PDE4D: variants seen among roughly 807,000 people sequenced by gnomAD.
The protein encoded by PDE4D is 3',5'-cyclic-AMP phosphodiesterase 4D.
In PDE4D, 24 loss-of-function variants were observed where a neutral mutation model predicts 87.4. The ratio of observed to expected loss-of-function variants is 0.27; its 90% CI spans 0.20 to 0.39. The LOEUF is 0.39. Ranked by LOEUF, PDE4D falls within the 10% of genes least tolerant of loss-of-function variation. The pLI, the probability that PDE4D is intolerant of heterozygous loss-of-function variation, is 1.00. For missense variants in PDE4D, 714 were observed against 1,041.0 expected, an observed-to-expected ratio of 0.69 and a Z score of 4.32; for synonymous variants, 384 against 383.2, an observed-to-expected ratio of 1.00 and a Z score of -0.02.
chr5:58,978,031 C>T (rs1310452247), intron 11 of PDE4D, among the ~76,000 whole-genome samples: 2 of 152,128 alleles, frequency 1.3e-5, no homozygotes, highest in Non-Finnish European at 2.9e-5. Flanking sequence ...TCCCTACTGC[C>T]CTAGACCTGT....
intron 5 of PDE4D, among the ~76,000 whole-genome samples, chr5:59,080,939 A>C (rs1766622521): frequency 6.6e-6 from 1 of 152,194 alleles, no homozygotes; most frequent in Admixed American, 6.5e-5. Flanking sequence ...ATTATCAGCC[A>C]TTGTGGAGGA....
intron 1 of PDE4D, among the ~76,000 whole-genome samples, chr5:59,221,011 C>T (rs561918428): frequency 1.5e-4 from 23 of 152,140 alleles, no homozygotes; most frequent in African/African-American, 3.6e-4. Flanking sequence ...ATGTTCCAGG[C>T]GCTGTGCTTT....
chr5:60,514,987 C>T (rs777709386), intron 1 of PDE4D, among the ~76,000 whole-genome samples: 2 of 152,048 alleles, frequency 1.3e-5, no homozygotes, highest in Non-Finnish European at 2.9e-5. Flanking sequence ...AGCAAGTTTG[C>T]TGGATAGAAA....
At chr5:59,104,601 A>G (rs1489673802) in intron 5 of PDE4D, among the ~76,000 whole-genome samples, 5 of 152,198 alleles carry the variant, frequency 3.3e-5, no homozygotes, top group Non-Finnish European at 5.9e-5. Flanking sequence ...AAGAAAGCTG[A>G]TAAGAATCAA....
At chr5:60,018,753 A>C (rs748043342) in intron 2 of PDE4D, among the ~76,000 whole-genome samples, 5 of 152,340 alleles carry the variant, frequency 3.3e-5, no homozygotes, top group Non-Finnish European at 7.4e-5. Context: ...AGGACATTAC[A>C]TAATGGTAAA....
At chr5:59,030,071 C>T (rs543134481) in intron 6 of PDE4D, among the ~76,000 whole-genome samples, 2 of 152,198 alleles carry the variant, frequency 1.3e-5, no homozygotes, top group South Asian at 4.1e-4. Context: ...AGACCTGAAA[C>T]TGTAAAGCTA....
chr5:59,976,153 T>G (rs1253597920), intron 3 of PDE4D, among the ~76,000 whole-genome samples: 2 of 152,210 alleles, frequency 1.3e-5, no homozygotes, highest in South Asian at 2.1e-4. Flanking sequence ...AATATATGAC[T>G]AATGCATGAT....
chr5:59,376,797 A>ATG, intron 1 of PDE4D, among the ~76,000 whole-genome samples: 1 of 152,222 alleles, frequency 6.6e-6, no homozygotes, highest in South Asian at 2.1e-4. Context: ...CTACAGGGCC[A>ATG]CAGTAACCAA....
At chr5:59,918,998 T>C (rs1305220257) in intron 3 of PDE4D, among the ~76,000 whole-genome samples, 1 of 152,188 alleles carries the variant, frequency 6.6e-6, no homozygotes, top group East Asian at 1.9e-4. Flanking sequence ...GACAAGAATA[T>C]TGCAGACTCA....
At chr5:59,594,833 T>C (rs567505028) in intron 1 of PDE4D, among the ~76,000 whole-genome samples, 10 of 152,182 alleles carry the variant, frequency 6.6e-5, no homozygotes, top group Non-Finnish European at 1.3e-4. Flanking sequence ...TGCAAACCCA[T>C]AGAATATACA....
At chr5:58,989,981 A>G in intron 9 of PDE4D, 62 bp from the exon 10 acceptor site, 2 of 931,932 alleles carry the variant, frequency 2.1e-6, no homozygotes, top group Non-Finnish European at 3.0e-6. Flanking sequence ...TCCATAGAGT[A>G]TGTTTAAAAA....
rs369925359 is a variant in PDE4D, at chr5:59,021,886, C to T, written c.921+16973G>A. On this transcript the variant is annotated intron_variant, in intron 6 of 14. Transcript: ENST00000340635. ...CATACTTATTTTGACAGTCTCTTTT[C>T]ACCCCATTTCAGTTTGTACCTTGCT... 5.9e-5 allele frequency among the ~76,000 whole-genome samples: 9 copies of T among 152,124 alleles called. No individual in the cohort carries two copies. In the East Asian group the frequency reaches 1.7e-3, roughly 29 times the overall value.
chr5:59,147,339 G>A (rs1778819563), intron 5 of PDE4D, among the ~76,000 whole-genome samples: 1 of 152,066 alleles, frequency 6.6e-6, no homozygotes, highest in South Asian at 2.1e-4. Context: ...AAAGGACAAA[G>A]GCTATATTTG....
chr5:60,234,404 C>A (rs937363262), intron 1 of PDE4D, among the ~76,000 whole-genome samples: 1 of 151,652 alleles, frequency 6.6e-6, no homozygotes, highest in African/African-American at 2.4e-5. Flanking sequence ...CTACTATGAT[C>A]ATTTGGGTAA....
chr5:60,242,786 A>G (rs533327486), intron 1 of PDE4D, among the ~76,000 whole-genome samples: 1 of 152,182 alleles, frequency 6.6e-6, no homozygotes, highest in African/African-American at 2.4e-5. Context: ...GAAACAAATG[A>G]TAATGGAAAC....
At chr5:59,234,510 T>A (rs1449069421) in intron 1 of PDE4D, among the ~76,000 whole-genome samples, 2 of 152,198 alleles carry the variant, frequency 1.3e-5, no homozygotes, top group Non-Finnish European at 2.9e-5. Flanking sequence ...TCAGATTTAG[T>A]GTTTCCTAGT....
chr5:59,226,066 G>GCCAC (rs1213144718), intron 1 of PDE4D, among the ~76,000 whole-genome samples: 2 of 151,672 alleles, frequency 1.3e-5, no homozygotes, highest in Non-Finnish European at 2.9e-5. Context: ...GTAAAGTGAT[G>GCCAC]CCACTACTAT....
chr5:58,998,073 T>C (rs973848932), intron 6 of PDE4D, among the ~76,000 whole-genome samples: 5 of 152,102 alleles, frequency 3.3e-5, no homozygotes, highest in African/African-American at 7.2e-5. Context: ...ACAAGTTTGG[T>C]AGATATCAGT....
At chr5:59,247,201 A>ATC (rs34505227) in intron 1 of PDE4D, among the ~76,000 whole-genome samples, 41,137 of 152,028 alleles carry the variant, frequency 0.27, 6,014 homozygotes, top group Admixed American at 0.39. Flanking sequence ...TTACAGGAAT[A>ATC]TCTATTCCAT....
Sources: allele counts gnomAD v4.1 joint callset (sites outside exome capture counted in the v4.1 genomes callset), GRCh38; gene constraint gnomAD v4.1.1; transcripts MANE v1.5; gene names NCBI Gene and HGNC (gene_info 2026-07-23, HGNC 2026-07-21).